The following MAP9 variants were observed in gnomAD, a reference collection of about 807,000 sequenced individuals.
The protein encoded by MAP9 is microtubule associated protein 9.
Under a neutral mutation model 75.2 loss-of-function variants are expected in MAP9, and 80 were observed. The observed-to-expected ratio is 1.06, with a 90% CI of 0.89 to 1.28. The LOEUF is 1.28. Among genes scored for constraint, MAP9 ranks in the 50% most tolerant of loss-of-function variants. The probability of loss-of-function intolerance (pLI) is 0.00; values close to 1 mark genes in which losing one functional copy is unlikely to be tolerated. For missense variants in MAP9, 753 were observed against 719.9 expected (o/e 1.05, Z -0.53); for synonymous variants, 235 against 237.3 (o/e 0.99, Z 0.09).
At chr4:155,355,981 C>A (rs1303206309) in intron 8 of MAP9, 97 bp from the exon 9 acceptor site, 21 of 1,119,242 alleles carry the variant, frequency 1.9e-5, no homozygotes, top group Non-Finnish European at 1.5e-5. Context: ...TGAAAACTGG[C>A]CAGGCATGAT....
At position 155,343,301 on chromosome 4, in the gene MAP9, TCTTC is replaced by T. The variant is rs1731177979; in HGVS notation, c.*4478_*4481del. 1 of 151,636 alleles carries T rather than the reference TCTTC, an allele frequency of 6.6e-6. No individual in the cohort carries two copies. Among genetic ancestry groups the T allele is most frequent in the African/African-American group, 2.4e-5 (1 of 41,380 alleles). The allele number at this position is 151,636 out of a possible 1,614,324, so 9.4% of individuals were successfully genotyped here. A position where few individuals can be genotyped will look rare whatever the true frequency, so the allele number is the denominator to read the frequency against. On this transcript the variant is annotated 3_prime_UTR_variant, in exon 14 of 14. Transcript: ENST00000311277. ...AGAGAAAGAGGAGGGAGGAACTATCTCTTCCTTTTTTCTCAGCTTAATTTCAGCT... is the reference window on the plus strand; with the variant it reads ...AGAGAAAGAGGAGGGAGGAACTATCTCTTTTTTCTCAGCTTAATTTCAGCT...
intron 7 of MAP9, among the ~76,000 whole-genome samples, chr4:155,358,204 G>A (rs1731892470): frequency 6.6e-6 from 1 of 152,204 alleles, no homozygotes; most frequent in South Asian, 2.1e-4. Context: ...TGAAATGCCT[G>A]TTCTAATTTA....
At chr4:155,374,209 G>A (rs920435451) in intron 3 of MAP9, among the ~76,000 whole-genome samples, 6 of 151,952 alleles carry the variant, frequency 3.9e-5, no homozygotes, top group African/African-American at 1.2e-4. Flanking sequence ...CATGGTGGCG[G>A]GCACCTGTAG....
chr4:155,372,317 A>C lies in MAP9; in HGVS notation c.481+819T>G, dbSNP rs570212037. On this transcript the variant is annotated intron_variant, in intron 4 of 13. Coordinates refer to ENST00000311277, the MANE Select transcript of MAP9 (RefSeq NM_001039580.2). ...GTATTTACTGATGATATGCAAGGAG[A>C]TTTTTATGAAGGTTAACATCAACTA... Among the ~76,000 whole-genome samples, 7 of 152,336 alleles carry C rather than the reference A, an allele frequency of 4.6e-5. No homozygotes were observed. The East Asian group carries it at 1.4e-3, about 29-fold the overall frequency.
chr4:155,360,888 T>C (rs1455649828), intron 6 of MAP9: 1 of 159,432 alleles, frequency 6.3e-6, no homozygotes, highest in African/African-American at 2.4e-5. Context: ...TTAATGCAAT[T>C]TTACACAGTC....
chr4:155,363,724 T>C (rs1458874184), intron 5 of MAP9, among the ~76,000 whole-genome samples: 1 of 151,956 alleles, frequency 6.6e-6, no homozygotes, highest in Non-Finnish European at 1.5e-5. Context: ...AACAAAATAA[T>C]TTAATACAAT....
chr4:155,352,609 T>A lies in MAP9; in HGVS notation c.1808A>T (p.Tyr603Phe). ...AATAATACCTACCAGCCATTTTTCA[T>A]ATTCATTAATAGCTTGTTTATCTTT... ...KDKDKQAINE[Y>F]EKWLENKEKQ... The change falls in exon 13 of 14, where the codon TAT (tyrosine) becomes TTT (phenylalanine). Residue 603 changes from tyrosine to phenylalanine, a missense_variant. Coordinates refer to ENST00000311277, the MANE Select transcript of MAP9 (RefSeq NM_001039580.2). The A allele has an allele frequency of 3.8e-6, 6 of 1,570,696 alleles. No individual in the cohort carries two copies. The highest frequency in any genetic ancestry group is 5.2e-6 in the Non-Finnish European group (6 of 1,155,198).
chr4:155,373,459 G>T lies in MAP9; in HGVS notation c.161-3C>A. On this transcript the variant is annotated splice_polypyrimidine_tract_variant and splice_region_variant and intron_variant, in intron 3 of 13. Transcript: ENST00000311277. ...GTCAGAAAAATCACCTAAAGAAACT[G>T]AAAAATGGAAAAGAAAAATGTTTTC... is the stretch of plus-strand genomic sequence containing the variant. 1 of 1,450,568 alleles carries T rather than the reference G, an allele frequency of 6.9e-7. No homozygotes were observed. The highest frequency in any genetic ancestry group is 1.4e-5 in the South Asian group (1 of 71,780). 89.9% of individuals were successfully genotyped at this position (1,450,568 alleles called of 1,614,324 possible).
Position 155,353,031 on chromosome 4 carries a change from C to G in MAP9, c.1569G>C (p.Lys523Asn), listed in dbSNP as rs1342902459. 2.0e-6 allele frequency: 3 copies of G among 1,536,936 alleles called. 1 individual carries two copies. Among genetic ancestry groups the G allele is most frequent in the East Asian group, 4.7e-5 (2 of 42,680 alleles). ...TATTTTTCTCTTTAAGATATTCCAT[C>G]TTTTTCTCTTTCCATTTTTCAAAAG... ...LQAFEKWKEK[K>N]MEYLKEKNRK... Residue 523 changes from lysine (K) to asparagine (N), a missense_variant, in exon 12 of 14, where the codon AAG becomes AAC. Coordinates refer to ENST00000311277, the MANE Select transcript of MAP9 (RefSeq NM_001039580.2).
intron 3 of MAP9, 32 bp downstream of exon 3, chr4:155,374,905 A>C: frequency 7.0e-7 from 1 of 1,427,370 alleles, no homozygotes; most frequent in Admixed American, 1.9e-5. Flanking sequence ...AAAAAGAAGA[A>C]AAGTGGTTCA....
At chr4:155,362,289 T>A in intron 5 of MAP9, 148 bp from the exon 6 acceptor site, 2 of 550,324 alleles carry the variant, frequency 3.6e-6, no homozygotes, top group East Asian at 6.5e-5. Flanking sequence ...ACGCAAAGTG[T>A]GACAAGCCAA....
rs1731177653 is a variant in MAP9 at position 155,343,295 on chromosome 4, A to ACTAT, written c.*4484_*4487dup. 1 of 151,572 alleles carries ACTAT rather than the reference A, an allele frequency of 6.6e-6. No homozygotes were observed. Among genetic ancestry groups the ACTAT allele is most frequent in the African/African-American group, 2.4e-5 (1 of 41,364 alleles). The allele number at this position is 151,572 out of a possible 1,614,324, so 9.4% of individuals were successfully genotyped here. A position where few individuals can be genotyped will look rare whatever the true frequency, so the allele number is the denominator to read the frequency against. On this transcript the variant is annotated 3_prime_UTR_variant, in exon 14 of 14. Transcript: ENST00000311277. ...TGGGAGAGAGAAAGAGGAGGGAGGA[A>ACTAT]CTATCTCTTCCTTTTTTCTCAGCTT...
intron 5 of MAP9, among the ~76,000 whole-genome samples, chr4:155,364,577 T>C (rs1732240029): frequency 1.3e-5 from 2 of 148,238 alleles, no homozygotes; most frequent in Admixed American, 1.4e-4. Context: ...ATATACAATA[T>C]ATAATACAGT....
intron 5 of MAP9, 30 bp from the exon 6 acceptor site, chr4:155,362,171 A>G: frequency 7.7e-7 from 1 of 1,304,750 alleles, no homozygotes; most frequent in Non-Finnish European, 1.1e-6. Context: ...TACATTTGCC[A>G]CATAAGTTTA....
In MAP9 at chr4:155,344,681, G is replaced by A. The variant is rs188155557; in HGVS notation, c.*3102C>T. ...CTGGAATATTTTTATCCCATAAATC[G>A]TTACTTTCTTTCATTAAGAAAACTT... On this transcript the variant is annotated 3_prime_UTR_variant, in exon 14 of 14. Transcript: ENST00000311277. 7.2e-5 allele frequency: 11 copies of A among 151,896 alleles called. No individual in the cohort carries two copies. The highest frequency in any genetic ancestry group is 5.3e-4 in the Admixed American group (8 of 15,226). The allele number at this position is 151,896 out of a possible 1,614,324, so 9.4% of individuals were successfully genotyped here.
rs1012474430 is a variant in MAP9 at position 155,343,508 on chromosome 4, C to T, written c.*4275G>A. The T allele has an allele frequency of 6.6e-6, 1 of 151,320 alleles. No homozygotes were observed. The highest frequency in any genetic ancestry group is 1.5e-5 in the Non-Finnish European group (1 of 67,698). The allele number at this position is 151,320 out of a possible 1,614,324, so 9.4% of individuals were successfully genotyped here. A position where few individuals can be genotyped will look rare whatever the true frequency, so the allele number is the denominator to read the frequency against. On this transcript the variant is annotated 3_prime_UTR_variant, in exon 14 of 14. Transcript: ENST00000311277. ...TCTCTCTGTAATTTGTGTAGTAAAACATCAGTTTTATATCCAAATTTTTAG... is the reference window on the plus strand; with the variant it reads ...TCTCTCTGTAATTTGTGTAGTAAAATATCAGTTTTATATCCAAATTTTTAG...
chr4:155,342,767 G>A lies in MAP9; in HGVS notation c.*5016C>T, dbSNP rs1731160184. 1 of 151,862 alleles carries A rather than the reference G, an allele frequency of 6.6e-6. No homozygotes were observed. 9.4% of individuals were successfully genotyped at this position (151,862 alleles called of 1,614,324 possible). On this transcript the variant is annotated 3_prime_UTR_variant, in exon 14 of 14. Transcript: ENST00000311277. Reference sequence around the variant, plus strand: ...CACGCACTGCAGCAAGGTTAATCCTGTATGTGAAAACCTCTGAGTGACTAT... The same window carrying A: ...CACGCACTGCAGCAAGGTTAATCCTATATGTGAAAACCTCTGAGTGACTAT...
In MAP9 at chr4:155,355,126, T is replaced by A; in HGVS notation, c.1325A>T (p.Glu442Val). ...TTCAATTCTTTTTATTCTGTGCATT[T>A]CATGTAAATACACATTTTTCTTTTC... ...WLEKKNVYLH[E>V]MHRIKRIESE... The change falls in exon 10 of 14, where the codon GAA becomes GTA. Residue 442 changes from glutamate to valine, a missense_variant. Physicochemically the swap from Glu to Val is moderately radical, Grantham distance 121. Transcript: ENST00000311277. 1.4e-6 allele frequency: 2 copies of A among 1,407,384 alleles called. No homozygotes were observed. Among genetic ancestry groups the A allele is most frequent in the Non-Finnish European group, 1.9e-6 (2 of 1,034,680 alleles). The allele number at this position is 1,407,384 out of a possible 1,614,324, so 87.2% of individuals were successfully genotyped here.
chr4:155,369,013 G>A (rs72962333), intron 4 of MAP9, among the ~76,000 whole-genome samples: 3,960 of 152,130 alleles, frequency 0.026, 170 homozygotes, highest in African/African-American at 0.087. Flanking sequence ...CAGGCCGGAC[G>A]CGGTGGCTCA....
Sources: gnomAD v4.1 joint callset for allele counts (sites outside exome capture counted in the v4.1 genomes callset) on GRCh38, gnomAD v4.1.1 for gene constraint, MANE v1.5 for transcripts, NCBI Gene and HGNC (gene_info 2026-07-23, HGNC 2026-07-21) for gene names.